Variants in DMD observed in about 807,000 individuals in gnomAD.
DMD encodes the protein dystrophin.
In DMD, 63 loss-of-function variants were observed where a neutral mutation model predicts 330.1. The ratio of observed to expected loss-of-function variants is 0.19; its 90% CI spans 0.16 to 0.24. The LOEUF (loss-of-function observed/expected upper bound fraction) is 0.24. DMD is among the 10% of genes least tolerant of loss of function. DMD has a pLI of 1.00. For missense variants in DMD, 3,344 were observed against 2,684.1 expected (o/e 1.25, Z -5.43); for synonymous variants, 1,223 against 959.8 (o/e 1.27, Z -5.07).
chrX:31,812,551 A>G (rs2092493570), intron 50 of DMD, among the ~76,000 whole-genome samples: 1 of 110,954 alleles, frequency 9.0e-6, no homozygotes, highest in African/African-American at 3.3e-5. Flanking sequence ...CATGTACCCT[A>G]AAACTTAAAG....
chrX:32,730,084 G>C (rs2067375227), intron 7 of DMD, among the ~76,000 whole-genome samples: 1 of 112,131 alleles, frequency 8.9e-6, no homozygotes, highest in African/African-American at 3.2e-5. Context: ...CCTAATCTCA[G>C]CATTTTCGGA....
intron 16 of DMD, among the ~76,000 whole-genome samples, chrX:32,559,606 C>A (rs1437451598): frequency 1.8e-5 from 2 of 110,850 alleles, no homozygotes; most frequent in Non-Finnish European, 3.8e-5. Flanking sequence ...ACAGCCAGAA[C>A]GTGAACATAA....
chrX:31,701,805 A>C (rs1475641122), intron 52 of DMD, among the ~76,000 whole-genome samples: 1 of 112,450 alleles, frequency 8.9e-6, no homozygotes, highest in East Asian at 2.8e-4. Context: ...AGAAATGCAG[A>C]ATCTCAGGCT....
chrX:32,449,770 CTG>C (rs1319165589), intron 26 of DMD, among the ~76,000 whole-genome samples: 1 of 110,399 alleles, frequency 9.1e-6, no homozygotes, highest in Non-Finnish European at 1.9e-5. Flanking sequence ...CACATACACA[CTG>C]TATCTTTAGT....
chrX:31,752,573 A>T (rs1213398355), intron 51 of DMD, among the ~76,000 whole-genome samples: 1 of 110,982 alleles, frequency 9.0e-6, no homozygotes, highest in Non-Finnish European at 1.9e-5. Flanking sequence ...GAGTTCACAA[A>T]AGCGTTACAT....
chrX:31,368,588 C>T lies in DMD; in HGVS notation c.9085-19954G>A, dbSNP rs183798768. On this transcript the variant is annotated intron_variant, in intron 60 of 78. Transcript: ENST00000357033. The stretch of plus-strand genomic sequence containing the variant: ...CAGAGAATTGCTCATCTTTCTTTGT[C>T]GCTTCATTCTTCTTGTTCTCTTATT... Among the ~76,000 whole-genome samples, 200 of 111,575 alleles carry T rather than the reference C, an allele frequency of 1.8e-3. 1 individual carries two copies. The highest frequency in any genetic ancestry group is 4.6e-3 in the Middle Eastern group (1 of 216).
At chrX:31,751,552 T>C (rs1414939343) in intron 51 of DMD, among the ~76,000 whole-genome samples, 2 of 112,173 alleles carry the variant, frequency 1.8e-5, no homozygotes, top group African/African-American at 6.5e-5. Flanking sequence ...CACTTTTCCC[T>C]TTTTGTTCTG....
At chrX:31,529,303 T>C (rs1247963946) in intron 55 of DMD, among the ~76,000 whole-genome samples, 1 of 110,455 alleles carries the variant, frequency 9.1e-6, no homozygotes, top group Non-Finnish European at 1.9e-5. Flanking sequence ...GAGGATTGCT[T>C]GAGCTCAGGA....
At chrX:32,287,107 C>G (rs1437085826) in intron 43 of DMD, among the ~76,000 whole-genome samples, 1 of 111,011 alleles carries the variant, frequency 9.0e-6, no homozygotes, top group Admixed American at 9.6e-5. Flanking sequence ...AAGTGTCACC[C>G]TCCAAAATAT....
chrX:31,628,292 C>T (rs750158535), intron 54 of DMD, among the ~76,000 whole-genome samples: 3 of 110,414 alleles, frequency 2.7e-5, no homozygotes, highest in Non-Finnish European at 5.7e-5. Context: ...CCCTAAAATC[C>T]CTGTACCATG....
At chrX:31,639,529 G>T (rs185143643) in intron 54 of DMD, among the ~76,000 whole-genome samples, 2 of 112,037 alleles carry the variant, frequency 1.8e-5, no homozygotes, top group East Asian at 2.8e-4. Flanking sequence ...GCCAAGAGTT[G>T]TTCAGCATTT....
intron 1 of DMD, among the ~76,000 whole-genome samples, chrX:33,318,228 G>A (rs752682727): frequency 1.5e-4 from 16 of 110,155 alleles, no homozygotes; most frequent in African/African-American, 3.6e-4. Flanking sequence ...ATGGAGTGGC[G>A]TATGAATAAA....
intron 68 of DMD, among the ~76,000 whole-genome samples, chrX:31,181,134 T>C (rs1373830653): frequency 8.9e-6 from 1 of 111,943 alleles, no homozygotes; most frequent in East Asian, 2.8e-4. Context: ...ATGGAAGAAT[T>C]TATAATCTGT....
intron 50 of DMD, among the ~76,000 whole-genome samples, chrX:31,774,748 T>A (rs1025938978): frequency 8.9e-6 from 1 of 111,945 alleles, no homozygotes; most frequent in Non-Finnish European, 1.9e-5. Context: ...GAGCAGTTTA[T>A]CATATTTTTT....
chrX:33,326,967 C>G (rs1300104510), intron 1 of DMD, among the ~76,000 whole-genome samples: 1 of 111,531 alleles, frequency 9.0e-6, no homozygotes, highest in Non-Finnish European at 1.9e-5. Context: ...ACCTTGCTTA[C>G]CTCATATGGT....
chrX:32,378,715 C>A (rs1429481164), intron 34 of DMD, among the ~76,000 whole-genome samples: 1 of 110,573 alleles, frequency 9.0e-6, no homozygotes, highest in Non-Finnish European at 1.9e-5. Flanking sequence ...TTGCTGCAGT[C>A]ACATTCCAAA....
chrX:31,716,206 G>A (rs952337446), intron 52 of DMD, among the ~76,000 whole-genome samples: 1 of 111,953 alleles, frequency 8.9e-6, no homozygotes, highest in Non-Finnish European at 1.9e-5. Context: ...ATCTCTAGCT[G>A]AACCACCAGT....
At chrX:32,199,485 C>A (rs2147695782) in intron 44 of DMD, among the ~76,000 whole-genome samples, 1 of 110,875 alleles carries the variant, frequency 9.0e-6, no homozygotes. Flanking sequence ...CGGTTGCACG[C>A]CACTAAATAC....
intron 74 of DMD, 29 bp from the exon 75 acceptor site, chrX:31,147,547 AAAAAAAG>A: frequency 1.0e-6 from 1 of 997,936 alleles, no homozygotes; most frequent in East Asian, 3.5e-5. Flanking sequence ...TAAAAAAGAA[AAAAAAAG>A]AAAGAAAAAG....
Sources: gnomAD v4.1 joint callset for allele counts (sites outside exome capture counted in the v4.1 genomes callset) on GRCh38, gnomAD v4.1.1 for gene constraint, MANE v1.5 for transcripts, NCBI Gene and HGNC (gene_info 2026-07-23, HGNC 2026-07-21) for gene names.